LRP6: variants seen among roughly 807,000 people sequenced by gnomAD.
LRP6 encodes LDL receptor related protein 6, also known as low-density lipoprotein receptor-related protein 6.
A neutral mutation model predicts 184.1 loss-of-function variants in LRP6; 43 were observed. The ratio of observed to expected loss-of-function variants is 0.23; its 90% confidence interval spans 0.18 to 0.30. The LOEUF is 0.30. Among genes scored for constraint, LRP6 ranks in the 10% least tolerant of loss-of-function variants. The pLI, the probability that LRP6 is intolerant of heterozygous loss-of-function variation, is 1.00. For missense variants in LRP6, 1,571 were observed against 2,005.3 expected, an observed-to-expected ratio of 0.78 and a Z score of 4.14; for synonymous variants, 719 against 684.9, an observed-to-expected ratio of 1.05 and a Z score of -0.78.
In LRP6 at chr12:12,155,429, T is replaced by G. The variant is rs1591894247; in HGVS notation, c.2791+3400A>C. The stretch of plus-strand genomic sequence containing the variant: ...TTCAAAAGGAATGCCCCACAAGTGT[T>G]ACCACTGCAAAACTGGAAGGGTCTA... On this transcript the variant is annotated intron_variant, in intron 12 of 22. Transcript: ENST00000261349. 5.4e-6 allele frequency: 5 copies of G among 926,108 alleles called. No homozygotes were observed. The East Asian group carries it at 9.6e-5, about 18-fold the overall frequency. The allele number at this position is 926,108 out of a possible 1,614,324, so 57.4% of individuals were successfully genotyped here.
intron 14 of LRP6, 135 bp from the exon 15 acceptor site, chr12:12,147,691 A>T: frequency 1.3e-6 from 1 of 760,132 alleles, no homozygotes; most frequent in Non-Finnish European, 2.2e-6. Context: ...GTATTTTTTG[A>T]CCAGGCACAG....
chr12:12,225,885 A>G lies in LRP6; in HGVS notation c.449+18377T>C, dbSNP rs149003963. Among the ~76,000 whole-genome samples, 488 of 151,986 alleles carry G rather than the reference A, an allele frequency of 3.2e-3. 2 individuals are homozygous for G. Among genetic ancestry groups the G allele is most frequent in the African/African-American group, 0.01 (433 of 41,428 alleles). Reference sequence around the variant, plus strand: ...AGACTGTGTCTCAAAAAAAAAAAAAAAGAGAGAGACCTGAGAAAAATACCC... The same window carrying G: ...AGACTGTGTCTCAAAAAAAAAAAAAGAGAGAGAGACCTGAGAAAAATACCC... On this transcript the variant is annotated intron_variant, in intron 2 of 22. Coordinates refer to ENST00000261349, the MANE Select transcript of LRP6 (RefSeq NM_002336.3).
intron 3 of LRP6, among the ~76,000 whole-genome samples, chr12:12,195,339 T>C (rs1260221514): frequency 6.6e-6 from 1 of 152,124 alleles, no homozygotes; most frequent in Admixed American, 6.6e-5. Flanking sequence ...AGTTCCCTTT[T>C]CTGTGCATTC....
At chr12:12,135,058 C>T (rs892609822) in intron 17 of LRP6, 117 bp downstream of exon 17, 23 of 1,434,818 alleles carry the variant, frequency 1.6e-5, no homozygotes, top group Non-Finnish European at 1.9e-5. Context: ...ATGGAACACA[C>T]GCAACCAATT....
In LRP6 at chr12:12,183,649, T is replaced by C. The variant is rs146318853; in HGVS notation, c.976+331A>G. Among the ~76,000 whole-genome samples, 4 of 152,342 alleles carry C rather than the reference T, an allele frequency of 2.6e-5. 1 individual carries two copies. Among genetic ancestry groups the C allele is most frequent in the African/African-American group, 9.6e-5 (4 of 41,586 alleles). On this transcript the variant is annotated intron_variant, in intron 5 of 22. Transcript: ENST00000261349. ...TTCACAGAGGTTCTTTATTCACAAA[T>C]GCTACCTGTTAAAAATATATTCCTT...
intron 3 of LRP6, among the ~76,000 whole-genome samples, chr12:12,190,841 A>G (rs1182505097): frequency 6.6e-6 from 1 of 152,240 alleles, no homozygotes; most frequent in Non-Finnish European, 1.5e-5. Flanking sequence ...AGACAATGTC[A>G]GCAGTGATGG....
At chr12:12,162,627 C>T (rs1277287099) in intron 9 of LRP6, among the ~76,000 whole-genome samples, 2 of 152,164 alleles carry the variant, frequency 1.3e-5, no homozygotes, top group Non-Finnish European at 2.9e-5. Flanking sequence ...ACTGCCAATT[C>T]AGGGGAGAAA....
chr12:12,230,355 C>G (rs1864750585), intron 2 of LRP6, among the ~76,000 whole-genome samples: 1 of 151,786 alleles, frequency 6.6e-6, no homozygotes, highest in Admixed American at 6.6e-5. Context: ...ATTCACAAGC[C>G]CTAATTTGGT....
intron 15 of LRP6, among the ~76,000 whole-genome samples, chr12:12,147,102 T>C (rs1273548815): frequency 6.6e-6 from 1 of 151,740 alleles, no homozygotes; most frequent in East Asian, 1.9e-4. Flanking sequence ...GCCTGGGCGA[T>C]AAAGCAAGAC....
chr12:12,234,421 G>A (rs1864877888), intron 2 of LRP6, among the ~76,000 whole-genome samples: 1 of 151,982 alleles, frequency 6.6e-6, no homozygotes, highest in Non-Finnish European at 1.5e-5. Context: ...CTACACTCCA[G>A]CCTGGGCGAC....
In LRP6 at chr12:12,128,254, T is replaced by C. The variant is rs181860975; in HGVS notation, c.4082-1333A>G. Reference sequence around the variant, plus strand: ...TTAAAAAAAAGTCTGATCAATATTCTTCCAAGATACCACTCTCTTAATTTT... The same window carrying C: ...TTAAAAAAAAGTCTGATCAATATTCCTCCAAGATACCACTCTCTTAATTTT... On this transcript the variant is annotated intron_variant, in intron 19 of 22. Transcript: ENST00000261349. Among the ~76,000 whole-genome samples, 139 of 152,334 alleles carry C rather than the reference T, an allele frequency of 9.1e-4. 1 individual carries two copies. Among genetic ancestry groups the C allele is most frequent in the African/African-American group, 3.3e-3 (137 of 41,564 alleles).
intron 15 of LRP6, among the ~76,000 whole-genome samples, chr12:12,143,697 CCTGCCTCACA>C (rs1167641896): frequency 6.6e-6 from 1 of 152,112 alleles, no homozygotes; most frequent in Non-Finnish European, 1.5e-5. Context: ...CATTTTAACC[CCTGCCTCACA>C]CTACACACCA....
chr12:12,120,958 C>T lies in LRP6; in HGVS notation c.*168G>A. 1 of 518,006 alleles carries T rather than the reference C, an allele frequency of 1.9e-6. No homozygotes were observed. The highest frequency in any genetic ancestry group is 3.3e-6 in the Non-Finnish European group (1 of 305,204). 32.1% of individuals were successfully genotyped at this position (518,006 alleles called of 1,614,324 possible). A position where few individuals can be genotyped will look rare whatever the true frequency, so the allele number is the denominator to read the frequency against. On this transcript the variant is annotated 3_prime_UTR_variant, in exon 23 of 23. Transcript: ENST00000261349. ...TGTTTTAAGAAAATATATAAATATC[C>T]TTTTCTTCTGTACAAATATCTCCAG...
chr12:12,174,505 G>A (rs970008489), intron 7 of LRP6, among the ~76,000 whole-genome samples: 6 of 152,138 alleles, frequency 3.9e-5, no homozygotes, highest in African/African-American at 1.4e-4. Context: ...CATATTATCA[G>A]AACAGCCTTA....
Position 12,184,045 on chromosome 12 carries a change from G to C in LRP6, c.911C>G (p.Pro304Arg). 3.7e-6 allele frequency: 6 copies of C among 1,613,394 alleles called. No individual in the cohort carries two copies. Among genetic ancestry groups the C allele is most frequent in the Non-Finnish European group, 5.1e-6 (6 of 1,179,372 alleles). Residue 304 changes from proline (P) to arginine (R), a missense_variant, in exon 5 of 23, where the codon CCT becomes CGT. Transcript: ENST00000261349. ...SHLCLMSPVK[P>R]FYQCACPTGV... ...AGTGGGGCAAGCACACTGATAAAAA[G>C]GCTTGACTGGAGACATCAAACACAA...
chr12:12,210,547 G>C (rs1187113708), intron 2 of LRP6, among the ~76,000 whole-genome samples: 1 of 152,168 alleles, frequency 6.6e-6, no homozygotes, highest in Non-Finnish European at 1.5e-5. Flanking sequence ...AAAGAAGTTG[G>C]TCTACAGTAA....
chr12:12,194,351 G>A (rs1264486776), intron 3 of LRP6, among the ~76,000 whole-genome samples: 1 of 151,802 alleles, frequency 6.6e-6, no homozygotes, highest in Non-Finnish European at 1.5e-5. Flanking sequence ...TTGTAACCAC[G>A]AATTCACTCA....
chr12:12,266,736 C>A lies in LRP6; in HGVS notation c.-1G>T, dbSNP rs1287105821. ...GGAGGCTCCTCAGGACGGCCCCCAT[C>A]TTCCCTTCTCGCGTTCTCTTCTCTC... On this transcript the variant is annotated 5_prime_UTR_variant, in exon 1 of 23. Transcript: ENST00000261349. The A allele has an allele frequency of 6.2e-7, 1 of 1,613,206 alleles. No individual in the cohort carries two copies.
At chr12:12,251,590 G>C (rs964186044) in intron 1 of LRP6, among the ~76,000 whole-genome samples, 2 of 151,664 alleles carry the variant, frequency 1.3e-5, no homozygotes, top group Non-Finnish European at 2.9e-5. Context: ...GGATGGTCTC[G>C]ATCTCCTGAC....
Sources: allele counts gnomAD v4.1 joint callset (sites outside exome capture counted in the v4.1 genomes callset), GRCh38; gene constraint gnomAD v4.1.1; transcripts MANE v1.5; gene names NCBI Gene and HGNC (gene_info 2026-07-23, HGNC 2026-07-21).